CFAP251: variants seen among roughly 807,000 people sequenced by gnomAD.
CFAP251 encodes cilia and flagella associated protein 251.
Under a neutral mutation model 126.7 loss-of-function variants are expected in CFAP251, and 93 were observed. The ratio of observed to expected loss-of-function variants is 0.73; its 90% CI spans 0.62 to 0.87. The LOEUF (loss-of-function observed/expected upper bound fraction) is 0.87. CFAP251 is among the 40% of genes least tolerant of loss of function. The pLI is 0.00. For synonymous variants in CFAP251, 503 were observed against 506.9 expected, an observed-to-expected ratio of 0.99 and a Z score of 0.10; for missense variants, 1,287 against 1,389.2, an observed-to-expected ratio of 0.93 and a Z score of 1.17.
rs148928856 is a variant in CFAP251 at position 121,981,499 on chromosome 12, C to T, written c.3006+5814C>T. 1.8e-3 allele frequency among the ~76,000 whole-genome samples: 273 copies of T among 152,228 alleles called. 2 individuals are homozygous for T. The highest frequency in any genetic ancestry group is 6.1e-3 in the African/African-American group (255 of 41,544). On this transcript the variant is annotated intron_variant, in intron 19 of 21. Coordinates refer to ENST00000288912, the MANE Select transcript of CFAP251 (RefSeq NM_144668.6). ...TTCAGCTTCAGCAATTCTCAGCTCC[C>T]GTTTGGTCCAGACCCACTGACCTGC...
chr12:121,993,124 C>T (rs1197974971), intron 19 of CFAP251, among the ~76,000 whole-genome samples: 27 of 143,884 alleles, frequency 1.9e-4, no homozygotes, highest in Middle Eastern at 3.6e-3. Context: ...ATTGCAGGCA[C>T]GCGCCGCCAC....
chr12:121,991,848 C>G (rs765817311), intron 19 of CFAP251, among the ~76,000 whole-genome samples: 4 of 152,104 alleles, frequency 2.6e-5, no homozygotes, highest in Admixed American at 6.6e-5. Flanking sequence ...CAAAAATTAG[C>G]CAGCTGTGGT....
At chr12:121,936,742 T>C (rs1880910104) in intron 5 of CFAP251, among the ~76,000 whole-genome samples, 1 of 152,044 alleles carries the variant, frequency 6.6e-6, no homozygotes, top group African/African-American at 2.4e-5. Flanking sequence ...GGGAGGGGCC[T>C]GGTTGGGGAC....
chr12:121,929,928 T>C (rs1880611295), intron 3 of CFAP251, among the ~76,000 whole-genome samples: 1 of 152,200 alleles, frequency 6.6e-6, no homozygotes. Flanking sequence ...TCCACCCGCC[T>C]CGGCCTCCCA....
chr12:121,928,674 A>ACG (rs56845070), intron 3 of CFAP251, among the ~76,000 whole-genome samples: 7 of 17,794 alleles, frequency 3.9e-4, no homozygotes, highest in African/African-American at 2.6e-3. Context: ...ATATACGTAT[A>ACG]TATATATATA....
At chr12:121,996,762 T>G (rs1039908532) in intron 19 of CFAP251, 1 of 152,168 alleles carries the variant, frequency 6.6e-6, no homozygotes, top group Non-Finnish European at 1.5e-5. Context: ...CATCACCCGA[T>G]CATCTGCTGG....
chr12:121,921,774 A>G (rs1880189433), intron 2 of CFAP251, 91 bp downstream of exon 2: 3 of 1,336,206 alleles, frequency 2.2e-6, no homozygotes, highest in Middle Eastern at 1.9e-4. Flanking sequence ...ACAAAACCAA[A>G]TAAGGTACAA....
At chr12:121,945,810 C>T (rs568669594) in intron 7 of CFAP251, among the ~76,000 whole-genome samples, 9 of 151,960 alleles carry the variant, frequency 5.9e-5, no homozygotes, top group African/African-American at 1.2e-4. Context: ...GGACTACAGG[C>T]GCCCACCACC....
At chr12:121,982,209 A>AT (rs879531460) in intron 19 of CFAP251, among the ~76,000 whole-genome samples, 55 of 144,252 alleles carry the variant, frequency 3.8e-4, no homozygotes, top group Middle Eastern at 3.6e-3. Flanking sequence ...CTTGTTCAGG[A>AT]TTTTTTTTTT....
intron 19 of CFAP251, among the ~76,000 whole-genome samples, chr12:121,983,732 A>G (rs1027235657): frequency 1.3e-5 from 2 of 149,454 alleles, no homozygotes; most frequent in Non-Finnish European, 2.9e-5. Flanking sequence ...AGGGCTTTTT[A>G]TCTACTTTAA....
At chr12:121,929,319 CAAA>C (rs907807088) in intron 3 of CFAP251, among the ~76,000 whole-genome samples, 4 of 68,924 alleles carry the variant, frequency 5.8e-5, no homozygotes, top group African/African-American at 5.6e-5. Context: ...GACTCCATCT[CAAA>C]AAAAAAAAAA....
intron 5 of CFAP251, among the ~76,000 whole-genome samples, chr12:121,939,148 G>C (rs1262407936): frequency 6.6e-6 from 1 of 152,066 alleles, no homozygotes; most frequent in Non-Finnish European, 1.5e-5. Flanking sequence ...CATGTAGCTT[G>C]TCTCCACAAC....
intron 13 of CFAP251, among the ~76,000 whole-genome samples, chr12:121,960,142 C>G (rs181853968): frequency 6.6e-6 from 1 of 152,014 alleles, no homozygotes; most frequent in Non-Finnish European, 1.5e-5. Flanking sequence ...TCAAAAAAAA[C>G]CCAAAAAAAC....
Position 121,923,702 on chromosome 12 carries a change from C to T in CFAP251, c.459C>T (p.Ser153=), listed in dbSNP as rs372014445. ...CAGATGAGCTTTTAAGAGACCTGAG[C>T]ACACAAATTGAATTTCTTGATTTGG... ...AETDELLRDL[S]TQIEFLDLDQ... The change falls in exon 3 of 22, where the codon AGC becomes AGT. Residue 153 remains serine, a synonymous_variant. Transcript: ENST00000288912. 4 of 1,613,952 alleles carry T rather than the reference C, an allele frequency of 2.5e-6. No homozygotes were observed. Among genetic ancestry groups the T allele is most frequent in the African/African-American group, 1.3e-5 (1 of 74,878 alleles).
intron 19 of CFAP251, among the ~76,000 whole-genome samples, chr12:121,978,481 G>C (rs1266754614): frequency 1.4e-5 from 2 of 140,832 alleles, no homozygotes; most frequent in Non-Finnish European, 3.1e-5. Context: ...TTCTAATTTA[G>C]AAAATAGAAT....
intron 17 of CFAP251, among the ~76,000 whole-genome samples, chr12:121,971,019 G>A (rs573691668): frequency 4.6e-5 from 7 of 152,334 alleles, no homozygotes; most frequent in East Asian, 1.9e-4. Context: ...CACCAGAGCC[G>A]GGAGCTGCAG....
Position 121,962,145 on chromosome 12 carries a change from T to C in CFAP251, c.2475T>C (p.Ala825=), listed in dbSNP as rs1410585436. ...NSGYKVKLFN[A]TTKMCRKTLL... Reference sequence around the variant, plus strand: ...GCTACAAAGTGAAGCTTTTTAATGCTACTACCAAAATGTGCAGGTAAGCAC... The same window carrying C: ...GCTACAAAGTGAAGCTTTTTAATGCCACTACCAAAATGTGCAGGTAAGCAC... Residue 825 remains alanine, a synonymous_variant, in exon 15 of 22, where the codon GCT becomes GCC. Transcript: ENST00000288912. 1 of 1,613,452 alleles carries C rather than the reference T, an allele frequency of 6.2e-7. No individual in the cohort carries two copies. The highest frequency in any genetic ancestry group is 2.2e-5 in the East Asian group (1 of 44,880).
chr12:121,999,041 G>C (rs1883091292), intron 19 of CFAP251: 1 of 152,040 alleles, frequency 6.6e-6, no homozygotes, highest in Non-Finnish European at 1.5e-5. Context: ...CCGTTATTGG[G>C]TTGAGGAAGC....
intron 5 of CFAP251, among the ~76,000 whole-genome samples, chr12:121,942,228 C>T (rs1881147640): frequency 6.6e-6 from 1 of 152,186 alleles, no homozygotes; most frequent in Admixed American, 6.5e-5. Context: ...CCCAGAAGGA[C>T]ACCCTGCATC....
Sources: allele counts gnomAD v4.1 joint callset (sites outside exome capture counted in the v4.1 genomes callset), GRCh38; gene constraint gnomAD v4.1.1; transcripts MANE v1.5; gene names NCBI Gene and HGNC (gene_info 2026-07-23, HGNC 2026-07-21).